PPP1R14B: variants seen among roughly 807,000 people sequenced by gnomAD.
The protein encoded by PPP1R14B is protein phosphatase 1 regulatory inhibitor subunit 14B.
Under a neutral mutation model 14.7 loss-of-function variants are expected in PPP1R14B, and 4 were observed. The ratio of observed to expected loss-of-function variants is 0.27; its 90% CI spans 0.13 to 0.62. PPP1R14B has a LOEUF of 0.62. Ranked by LOEUF, PPP1R14B falls within the 20% of genes least tolerant of loss-of-function variation. The pLI is 0.85. For missense variants in PPP1R14B, 138 were observed against 201.5 expected (o/e 0.68, Z 1.91); for synonymous variants, 76 against 87.3 (o/e 0.87, Z 0.72).
Position 64,245,240 on chromosome 11 carries a change from G to C in PPP1R14B, c.306C>G (p.Asp102Glu). The C allele has an allele frequency of 1.2e-6, 2 of 1,613,476 alleles. No homozygotes were observed. Among genetic ancestry groups the C allele is most frequent in the South Asian group, 2.2e-5 (2 of 91,050 alleles). ...ELEIDVDELL[D>E]MESDDARAAR... ...CAGCCCGGGCATCGTCACTCTCCAT[G>C]TCCAGGAGCTCATCCACGTCAATCT... Residue 102 changes from aspartate (D) to glutamate (E), a missense_variant, in exon 2 of 4, where the codon GAC becomes GAG. By Grantham distance (45) the Asp-to-Glu change is conservative. This residue lies in a region of PPP1R14B where 84 missense variants were observed against 137.5 expected (regional missense o/e 0.61). Transcript: ENST00000309318.
rs1258221547 is a variant in PPP1R14B, at chr11:64,246,903, C to CGCCGCCCGAGCTGCA, written c.-245_-231dup. ...CCGCCCGCCCTTTGTCCCCCGCGGC[C>CGCCGCCCGAGCTGCA]GCCGCCCGAGCTGCAGCCGCCGAAG... On this transcript the variant is annotated 5_prime_UTR_variant, in exon 1 of 4. Coordinates refer to ENST00000309318, the MANE Select transcript of PPP1R14B (RefSeq NM_138689.3). 3 of 176,678 alleles carry CGCCGCCCGAGCTGCA rather than the reference C, an allele frequency of 1.7e-5. No homozygotes were observed. Among genetic ancestry groups the CGCCGCCCGAGCTGCA allele is most frequent in the Non-Finnish European group, 3.3e-5 (3 of 92,264 alleles). 10.9% of individuals were successfully genotyped at this position (176,678 alleles called of 1,614,324 possible).
chr11:64,244,529 G>C lies in PPP1R14B; in HGVS notation c.*225C>G. On this transcript the variant is annotated 3_prime_UTR_variant, in exon 4 of 4. Coordinates refer to ENST00000309318, the MANE Select transcript of PPP1R14B (RefSeq NM_138689.3). ...GCTTTATTAAAGGGCCCGCGCCGCA[G>C]AGTCAATATAAAAACACAAAAAGTC... 4.7e-6 allele frequency: 6 copies of C among 1,284,216 alleles called. No homozygotes were observed. In the South Asian group the frequency reaches 9.7e-5, roughly 21 times the overall value. The allele number at this position is 1,284,216 out of a possible 1,614,324, so 79.6% of individuals were successfully genotyped here. A position where few individuals can be genotyped will look rare whatever the true frequency, so the allele number is the denominator to read the frequency against.
rs566541367 is a variant in PPP1R14B at position 64,245,988 on chromosome 11, GC to G, written c.258+427del. On this transcript the variant is annotated intron_variant, in intron 1 of 3. Coordinates refer to ENST00000309318, the MANE Select transcript of PPP1R14B (RefSeq NM_138689.3). The stretch of plus-strand genomic sequence containing the variant: ...AGAAAGCGGGCTAGCCTGCACGCAC[GC>G]CAAGATGGAGCTCCAGGCTAGCCCA... The G allele has an allele frequency of 5.4e-4, 90 of 168,166 alleles. No individual in the cohort carries two copies. The East Asian group carries it at 0.011, about 21-fold the overall frequency. The allele number at this position is 168,166 out of a possible 1,614,324, so 10.4% of individuals were successfully genotyped here. A position where few individuals can be genotyped will look rare whatever the true frequency, so the allele number is the denominator to read the frequency against.
Position 64,245,219 on chromosome 11 carries a change from C to T in PPP1R14B, c.327G>A (p.Arg109=), listed in dbSNP as rs2030827973. 6.2e-7 allele frequency: 1 copy of T among 1,613,508 alleles called. No homozygotes were observed. Among genetic ancestry groups the T allele is most frequent in the South Asian group, 1.1e-5 (1 of 91,066 alleles). The change falls in exon 2 of 4, where the codon CGG becomes CGA. Residue 109 remains arginine, a synonymous_variant. Coordinates refer to ENST00000309318, the MANE Select transcript of PPP1R14B (RefSeq NM_138689.3). The part of the protein sequence containing the change: ...ELLDMESDDA[R]AARVKELLVD... The stretch of plus-strand genomic sequence containing the variant: ...GCCCCCTCACCTTGACCCTGGCAGC[C>T]CGGGCATCGTCACTCTCCATGTCCA...
At chr11:64,245,442 C>A in intron 1 of PPP1R14B, 155 bp from the exon 2 acceptor site, 1 of 569,596 alleles carries the variant, frequency 1.8e-6, no homozygotes, top group Non-Finnish European at 3.0e-6. Flanking sequence ...GAAAACAGAT[C>A]AGGCCCGTGC....
intron 2 of PPP1R14B, 56 bp downstream of exon 2, chr11:64,245,148 G>A: frequency 3.2e-6 from 5 of 1,579,362 alleles, no homozygotes; most frequent in Non-Finnish European, 4.3e-6. Context: ...TGGCTCCACA[G>A]CCTCACTTTC....
rs1565324213 is a variant in PPP1R14B, at chr11:64,246,663, C to T, written c.11G>A (p.Ser4Asn). Residue 4 changes from serine to asparagine, a missense_variant, in exon 1 of 4, where the codon AGC (serine) becomes AAC (asparagine). Around this residue, in one of 3 missense-constraint regions of PPP1R14B, gnomAD observed 22 missense variants for 45.9 expected, o/e 0.48. Coordinates refer to ENST00000309318, the MANE Select transcript of PPP1R14B (RefSeq NM_138689.3). ...CAACGCCGCGCCCCCCGCGGTGCCG[C>T]TGTCCGCCATGGCGGCCGCCGGGGC... The part of the protein sequence containing the change: MAD[S>N]GTAGGAALAA... The T allele has an allele frequency of 2.1e-5, 25 of 1,203,266 alleles. No homozygotes were observed. The highest frequency in any genetic ancestry group is 2.6e-5 in the Non-Finnish European group (25 of 965,266). The allele number at this position is 1,203,266 out of a possible 1,614,324, so 74.5% of individuals were successfully genotyped here.
intron 1 of PPP1R14B, 50 bp from the exon 2 acceptor site, chr11:64,245,337 G>C (rs370425359): frequency 1.5e-4 from 222 of 1,489,910 alleles, no homozygotes; most frequent in South Asian, 4.5e-4. Flanking sequence ...GAGTTGGAGA[G>C]AGGGTGTGAG....
At chr11:64,245,164 G>T (rs777398971) in intron 2 of PPP1R14B, 40 bp downstream of exon 2, 3 of 1,597,398 alleles carry the variant, frequency 1.9e-6, no homozygotes, top group East Asian at 4.5e-5. Flanking sequence ...CTTTCCCGGG[G>T]CAGTGCCTCA....
At position 64,246,810 on chromosome 11, in the gene PPP1R14B, C is replaced by G. The variant is rs918690420; in HGVS notation, c.-137G>C. The G allele has an allele frequency of 2.8e-6, 2 of 705,064 alleles. No homozygotes were observed. The highest frequency in any genetic ancestry group is 3.5e-6 in the Non-Finnish European group (2 of 576,236). 43.7% of individuals were successfully genotyped at this position (705,064 alleles called of 1,614,324 possible). On this transcript the variant is annotated 5_prime_UTR_variant, in exon 1 of 4. Coordinates refer to ENST00000309318, the MANE Select transcript of PPP1R14B (RefSeq NM_138689.3). ...CGGCGAGGGCGGCGGCGGGGGCGCC[C>G]GGGGGCAGCTGCAGCATGCGGAGCC... is the stretch of plus-strand genomic sequence containing the variant.
At position 64,246,817 on chromosome 11, in the gene PPP1R14B, A is replaced by G; in HGVS notation, c.-144T>C. ...GGCGGCGGCGGGGGCGCCCGGGGGC[A>G]GCTGCAGCATGCGGAGCCCCCGGGC... On this transcript the variant is annotated 5_prime_UTR_variant, in exon 1 of 4. Transcript: ENST00000309318. 1 of 618,434 alleles carries G rather than the reference A, an allele frequency of 1.6e-6. No individual in the cohort carries two copies. The highest frequency in any genetic ancestry group is 2.0e-6 in the Non-Finnish European group (1 of 497,156). The allele number at this position is 618,434 out of a possible 1,614,324, so 38.3% of individuals were successfully genotyped here. A position where few individuals can be genotyped will look rare whatever the true frequency, so the allele number is the denominator to read the frequency against.
chr11:64,245,028 A>G, intron 2 of PPP1R14B, 66 bp from the exon 3 acceptor site: 1 of 1,517,616 alleles, frequency 6.6e-7, no homozygotes, highest in East Asian at 2.3e-5. Flanking sequence ...GCTCGCCTAT[A>G]CCCACTTCCA....
In PPP1R14B at chr11:64,244,854, G is replaced by A. The variant is rs2030805042; in HGVS notation, c.376-32C>T. 8.7e-6 allele frequency: 14 copies of A among 1,613,616 alleles called. No homozygotes were observed. The Admixed American group carries it at 1.2e-4, about 13-fold the overall frequency. Reference sequence around the variant, plus strand: ...GGGGTGGGAGGGTAAACATTAAGGAGACCAGACCCCAAGATGACAGGAGCC... The same window carrying A: ...GGGGTGGGAGGGTAAACATTAAGGAAACCAGACCCCAAGATGACAGGAGCC... On this transcript the variant is annotated intron_variant, in intron 3 of 3. Transcript: ENST00000309318.
intron 2 of PPP1R14B, 76 bp downstream of exon 2, chr11:64,245,128 C>T (rs879200107): frequency 6.5e-7 from 1 of 1,538,506 alleles, no homozygotes; most frequent in African/African-American, 1.4e-5. Context: ...GGAGCTGGGG[C>T]TTGAGGGCCT....
rs759936553 is a variant in PPP1R14B, at chr11:64,244,923, C to T, written c.375+7G>A. The T allele has an allele frequency of 2.6e-5, 41 of 1,598,854 alleles. No individual in the cohort carries two copies. Among genetic ancestry groups the T allele is most frequent in the South Asian group, 6.6e-5 (6 of 90,812 alleles). On this transcript the variant is annotated splice_region_variant and intron_variant, in intron 3 of 3. Transcript: ENST00000309318. ...CACCCCCGCCAGCCCCCCAGGAAAT[C>T]TCTTACCTCTGTGGGTTTGTAACAG...
At chr11:64,245,392 C>T in intron 1 of PPP1R14B, 105 bp from the exon 2 acceptor site, 5 of 910,564 alleles carry the variant, frequency 5.5e-6, no homozygotes, top group Middle Eastern at 4.4e-4. Context: ...AGGAACCCAG[C>T]CCTCTGCCCA....
chr11:64,245,107 C>T, intron 2 of PPP1R14B, 97 bp downstream of exon 2: 2 of 1,486,250 alleles, frequency 1.3e-6, no homozygotes, highest in Non-Finnish European at 1.8e-6. Flanking sequence ...TGGCCCCATT[C>T]TGTTGAGGCA....
rs2030829982 is a variant in PPP1R14B at position 64,245,267 on chromosome 11, C to T, written c.279G>A (p.Leu93=). The change falls in exon 2 of 4, where the codon CTG becomes CTA. Residue 93 remains leucine (L), a synonymous_variant. Coordinates refer to ENST00000309318, the MANE Select transcript of PPP1R14B (RefSeq NM_138689.3). ...CCAGGAGCTCATCCACGTCAATCTC[C>T]AGTTCTGGGATCTCCTCTTCCTGGG... ...YDCQEEEIPE[L]EIDVDELLDM... 1 of 1,610,242 alleles carries T rather than the reference C, an allele frequency of 6.2e-7. No homozygotes were observed. The highest frequency in any genetic ancestry group is 2.2e-5 in the East Asian group (1 of 44,814).
chr11:64,245,185 C>T lies in PPP1R14B; in HGVS notation c.342+19G>A, dbSNP rs780137666. On this transcript the variant is annotated intron_variant, in intron 2 of 3. Transcript: ENST00000309318. ...CGGGGCAGTGCCTCAGGCAACCCAT[C>T]GCCCCCCAGCCCCCTCACCTTGACC... 3.2e-5 allele frequency: 52 copies of T among 1,609,926 alleles called. No individual in the cohort carries two copies. The highest frequency in any genetic ancestry group is 1.5e-4 in the South Asian group (14 of 90,652).
Sources: gnomAD v4.1 joint callset for allele counts on GRCh38, gnomAD v4.1.1 for gene constraint, gnomAD v4.1.1 regional missense constraint, MANE v1.5 for transcripts, NCBI Gene and HGNC (gene_info 2026-07-23, HGNC 2026-07-21) for gene names.